The following HOXC5 variants were observed in gnomAD, a reference collection of about 807,000 sequenced individuals.
The protein encoded by HOXC5 is homeobox protein Hox-C5.
HOXC5 carries 19 observed loss-of-function variants against 20.1 expected under a neutral mutation model. That is an observed-to-expected ratio of 0.94 (90% CI 0.66 to 1.38). The LOEUF (loss-of-function observed/expected upper bound fraction) is 1.38. Ranked by LOEUF, HOXC5 falls within the 40% of genes most tolerant of loss-of-function variation. HOXC5 has a pLI of 0.00. For missense variants in HOXC5, 330 were observed against 300.1 expected (o/e 1.10, Z -0.74); for synonymous variants, 124 against 117.0 (o/e 1.06, Z -0.39).
the HOXC5 span, chr12:54,022,231 T>C: frequency 2.0e-5 from 3 of 152,270 alleles, no homozygotes; most frequent in African/African-American, 7.2e-5. Context: ...TGTTGGGTTT[T>C]AAATCAGGGT....
chr12:54,033,829 A>T, intron 1 of HOXC5: 1 of 546,150 alleles, frequency 1.8e-6, no homozygotes, highest in Non-Finnish European at 3.3e-6. Flanking sequence ...TTAAAAAAAT[A>T]GAGGGATCTG....
upstream of HOXC5, among the ~76,000 whole-genome samples, chr12:54,029,366 C>T (rs959193683): frequency 3.3e-5 from 5 of 150,662 alleles, no homozygotes; most frequent in African/African-American, 1.2e-4. Flanking sequence ...CAAAAATCTG[C>T]TTTTAGACTT....
intron 1 of HOXC5, chr12:54,034,018 T>A (rs1377573721): frequency 1.5e-6 from 1 of 669,636 alleles, no homozygotes; most frequent in Non-Finnish European, 2.8e-6. Flanking sequence ...GGTCCGAGCC[T>A]GGGTCTCCCT....
chr12:54,023,561 G>A, the HOXC5 span, among the ~76,000 whole-genome samples: 3 of 152,172 alleles, frequency 2.0e-5, no homozygotes, highest in Non-Finnish European at 4.4e-5. Context: ...GGCCTTGGAG[G>A]TGTTTGGGGG....
At chr12:54,018,338 C>G in the HOXC5 span, among the ~76,000 whole-genome samples, 1 of 152,198 alleles carries the variant, frequency 6.6e-6, no homozygotes, top group Non-Finnish European at 1.5e-5. Context: ...CTAGGACCTG[C>G]CTCGCCTCGG....
Position 54,034,244 on chromosome 12 carries a change from C to A in HOXC5, c.455-34C>A, listed in dbSNP as rs746837327. 5 of 1,577,450 alleles carry A rather than the reference C, an allele frequency of 3.2e-6. No individual in the cohort carries two copies. The South Asian group carries it at 4.4e-5, about 14-fold the overall frequency. On this transcript the variant is annotated intron_variant, in intron 1 of 1. Coordinates refer to ENST00000312492, the MANE Select transcript of HOXC5 (RefSeq NM_018953.4). ...CGGGGGAACGCTGCAAGCTATTCAC[C>A]CCTTCCTGGCTTGGGGTGGGGTTTA...
the HOXC5 span, among the ~76,000 whole-genome samples, chr12:54,026,855 C>G: frequency 1.3e-5 from 2 of 152,194 alleles, no homozygotes; most frequent in South Asian, 4.2e-4. Flanking sequence ...TTATTGCTAC[C>G]CATTGATTAC....
chr12:54,032,837 A>C (rs1377108236), upstream of HOXC5: 70 of 110,750 alleles, frequency 6.3e-4, no homozygotes, highest in Admixed American at 1.2e-3. Flanking sequence ...TCTCTCTCTC[A>C]CTCCCTCTCC....
chr12:54,033,564 C>A lies in HOXC5; in HGVS notation c.442C>A (p.His148Asn). Residue 148 changes from histidine (H) to asparagine (N), a missense_variant, in exon 1 of 2, where the codon CAC (histidine) becomes AAC (asparagine). Coordinates refer to ENST00000312492, the MANE Select transcript of HOXC5 (RefSeq NM_018953.4). ...PQIYPWMTKL[H>N]MSHETDGKRS... ...GATTTACCCGTGGATGACCAAACTG[C>A]ACATGAGCCACGGTAAACTTTAGGA... is the stretch of plus-strand genomic sequence containing the variant. 6.3e-7 allele frequency: 1 copy of A among 1,585,284 alleles called. No individual in the cohort carries two copies. The highest frequency in any genetic ancestry group is 8.5e-7 in the Non-Finnish European group (1 of 1,170,100).
the HOXC5 span, among the ~76,000 whole-genome samples, chr12:54,025,374 GA>G: frequency 6.6e-6 from 1 of 152,100 alleles, no homozygotes; most frequent in South Asian, 2.1e-4. Context: ...CATGAAATGG[GA>G]AAAAGAAAAT....
chr12:54,033,006 A>C, upstream of HOXC5: 2 of 758,918 alleles, frequency 2.6e-6, no homozygotes, highest in East Asian at 5.3e-5. Flanking sequence ...ATAAAGAAAG[A>C]GATATCTCCA....
the HOXC5 span, among the ~76,000 whole-genome samples, chr12:54,024,573 C>A: frequency 6.6e-6 from 1 of 152,134 alleles, no homozygotes. Context: ...TATCCCTCCC[C>A]AGGAAATTAA....
intron 1 of HOXC5, chr12:54,033,980 G>A (rs1373899354): frequency 3.4e-6 from 2 of 586,626 alleles, no homozygotes; most frequent in Non-Finnish European, 6.5e-6. Flanking sequence ...GGTCCCCGGT[G>A]CTCGGATCTC....
the HOXC5 span, among the ~76,000 whole-genome samples, chr12:54,017,876 A>G: frequency 9.2e-5 from 14 of 151,980 alleles, no homozygotes; most frequent in African/African-American, 3.1e-4. Flanking sequence ...CCCCCAAACA[A>G]ACTTTCCAGC....
In HOXC5 at chr12:54,034,360, C is replaced by T. The variant is rs991525067; in HGVS notation, c.537C>T (p.Tyr179=). The T allele has an allele frequency of 3.1e-6, 5 of 1,614,104 alleles. No individual in the cohort carries two copies. Among genetic ancestry groups the T allele is most frequent in the Non-Finnish European group, 4.2e-6 (5 of 1,180,034 alleles). ...ELEKEFHFNR[Y]LTRRRRIEIA... is the part of the protein sequence containing the mutation. The stretch of plus-strand genomic sequence containing the variant: ...AGAAAGAATTCCACTTTAACCGCTA[C>T]CTCACTCGCCGCAGGCGCATAGAGA... The change falls in exon 2 of 2, where the codon TAC becomes TAT. Residue 179 remains tyrosine (Y), a synonymous_variant. Transcript: ENST00000312492.
Position 54,033,315 on chromosome 12 carries a change from G to A in HOXC5, c.193G>A (p.Ala65Thr), listed in dbSNP as rs777703309. ...CTCTCTCCACGGGGTAGACATGGCT[G>A]CCAACCCCCGGGCTCACCCCGACCG... The part of the protein sequence containing the change: ...SNSLHGVDMA[A>T]NPRAHPDRPA... The change falls in exon 1 of 2, where the codon GCC (alanine) becomes ACC (threonine). Residue 65 changes from alanine (A) to threonine (T), a missense_variant. Coordinates refer to ENST00000312492, the MANE Select transcript of HOXC5 (RefSeq NM_018953.4). The A allele has an allele frequency of 6.2e-7, 1 of 1,613,954 alleles. No homozygotes were observed. The highest frequency in any genetic ancestry group is 2.2e-5 in the East Asian group (1 of 44,874).
At position 54,034,272 on chromosome 12, in the gene HOXC5, T is replaced by G; in HGVS notation, c.455-6T>G. 6.2e-7 allele frequency: 1 copy of G among 1,612,646 alleles called. No individual in the cohort carries two copies. The highest frequency in any genetic ancestry group is 1.1e-5 in the South Asian group (1 of 91,068). On this transcript the variant is annotated splice_region_variant and splice_polypyrimidine_tract_variant and intron_variant, in intron 1 of 1. Transcript: ENST00000312492. Reference sequence around the variant, plus strand: ...TTCCTGGCTTGGGGTGGGGTTTATGTTCCAGAGACGGACGGCAAGCGGTCC... The same window carrying G: ...TTCCTGGCTTGGGGTGGGGTTTATGGTCCAGAGACGGACGGCAAGCGGTCC...
intron 1 of HOXC5, chr12:54,034,068 T>C (rs1169308886): frequency 1.4e-6 from 1 of 708,436 alleles, no homozygotes; most frequent in Admixed American, 2.0e-5. Context: ...GGCTGCAGAG[T>C]GAAGGCTGCG....
At chr12:54,031,111 A>G (rs1291523024), upstream of HOXC5, among the ~76,000 whole-genome samples, 1 of 152,264 alleles carries the variant, frequency 6.6e-6, no homozygotes, top group Non-Finnish European at 1.5e-5. Flanking sequence ...TTTGGGCACC[A>G]ACCCCACGCA....
Sources: allele counts gnomAD v4.1 joint callset (sites outside exome capture counted in the v4.1 genomes callset), GRCh38; gene constraint gnomAD v4.1.1; transcripts MANE v1.5; gene names NCBI Gene and HGNC (gene_info 2026-07-23, HGNC 2026-07-21).